Variants in MICOS10 observed in about 807,000 individuals in gnomAD.
MICOS10 encodes the protein mitochondrial contact site and cristae organizing system subunit 10, also known as MICOS complex subunit MIC10.
A neutral mutation model predicts 13.4 loss-of-function variants in MICOS10; 5 were observed. That is an observed-to-expected ratio of 0.37 (90% CI 0.20 to 0.78). The LOEUF (loss-of-function observed/expected upper bound fraction) is 0.78, where lower values mean the gene tolerates loss of function less well. Among genes scored for constraint, MICOS10 ranks in the 30% least tolerant of loss-of-function variants. MICOS10 has a pLI of 0.47. For synonymous variants in MICOS10, 35 were observed against 33.6 expected (o/e 1.04, Z -0.15); for missense variants, 101 against 94.6 (o/e 1.07, Z -0.28).
intron 3 of MICOS10, 120 bp from the exon 4 acceptor site, chr1:19,626,267 C>T (rs892011541): frequency 3.2e-5 from 37 of 1,171,090 alleles, no homozygotes; most frequent in Non-Finnish European, 3.9e-5. Context: ...ACAGTTTTAA[C>T]GTAAACAGTG....
intron 1 of MICOS10, among the ~76,000 whole-genome samples, chr1:19,612,881 G>T (rs993003672): frequency 6.6e-6 from 1 of 152,092 alleles, no homozygotes; most frequent in Non-Finnish European, 1.5e-5. Context: ...CAGAAACATG[G>T]GTGTACTTAA....
intron 2 of MICOS10, among the ~76,000 whole-genome samples, chr1:19,622,920 C>CCT (rs1553310371): frequency 0.037 from 4,840 of 131,868 alleles, 393 homozygotes; most frequent in African/African-American, 0.13. Context: ...TATTTTACTA[C>CCT]TTTTTTTTTT....
Position 19,610,418 on chromosome 1 carries a change from G to T in MICOS10, c.65-11682G>T, listed in dbSNP as rs1344017249. ...TTTTTGGAGACAAGGCCTTACTCTTGCCCAGGCTGGAGTACAGTGACACAA... is the reference window on the plus strand; with the variant it reads ...TTTTTGGAGACAAGGCCTTACTCTTTCCCAGGCTGGAGTACAGTGACACAA... On this transcript the variant is annotated intron_variant, in intron 1 of 3. Transcript: ENST00000322753. Among the ~76,000 whole-genome samples, 8 of 108,382 alleles carry T rather than the reference G, an allele frequency of 7.4e-5. No homozygotes were observed. In the South Asian group the frequency reaches 2.3e-3, roughly 31 times the overall value. 71.1% of individuals were successfully genotyped at this position (108,382 alleles called of 152,430 possible).
intron 1 of MICOS10, chr1:19,607,978 A>G (rs1244620172): frequency 1.6e-6 from 1 of 610,248 alleles, no homozygotes; most frequent in Non-Finnish European, 2.9e-6. Context: ...TCAACAAACC[A>G]TGCTAAAACG....
chr1:19,600,255 C>A (rs1219400208), intron 1 of MICOS10, among the ~76,000 whole-genome samples: 2 of 152,136 alleles, frequency 1.3e-5, no homozygotes, highest in Non-Finnish European at 2.9e-5. Flanking sequence ...TGAGAAATTT[C>A]AAACTTTTTC....
At chr1:19,621,426 T>C (rs979793143) in intron 1 of MICOS10, among the ~76,000 whole-genome samples, 2 of 152,136 alleles carry the variant, frequency 1.3e-5, no homozygotes, top group African/African-American at 2.4e-5. Flanking sequence ...CCTTGAGGGG[T>C]AGTAATTGTT....
intron 3 of MICOS10, chr1:19,625,514 G>A (rs2094918851): frequency 3.9e-6 from 5 of 1,289,434 alleles, no homozygotes; most frequent in East Asian, 5.5e-5. Context: ...AAGAAGAGGC[G>A]CAGCTGTGTG....
intron 1 of MICOS10, among the ~76,000 whole-genome samples, chr1:19,599,236 T>C (rs2094804714): frequency 6.6e-6 from 1 of 152,122 alleles, no homozygotes; most frequent in Non-Finnish European, 1.5e-5. Context: ...TTGTATTTTT[T>C]GGTAGAGACG....
intron 1 of MICOS10, among the ~76,000 whole-genome samples, chr1:19,618,957 A>G (rs1183157252): frequency 6.6e-6 from 1 of 152,244 alleles, no homozygotes; most frequent in East Asian, 1.9e-4. Context: ...GATAAAATGT[A>G]GCACTGACAA....
Position 19,619,391 on chromosome 1 carries a change from A to T in MICOS10, c.65-2709A>T, listed in dbSNP as rs2094895648. On this transcript the variant is annotated intron_variant, in intron 1 of 3. Coordinates refer to ENST00000322753, the MANE Select transcript of MICOS10 (RefSeq NM_001032363.4). ...GCATGGTGAGAACAAAGATTTTTTT[A>T]AAAGTAAAATACAGTTGCATTGAGC... Among the ~76,000 whole-genome samples, 2 of 152,192 alleles carry T rather than the reference A, an allele frequency of 1.3e-5. 1 individual carries two copies. The highest frequency in any genetic ancestry group is 4.8e-5 in the African/African-American group (2 of 41,454).
At chr1:19,624,659 C>G (rs1428344884) in intron 3 of MICOS10, among the ~76,000 whole-genome samples, 1 of 152,192 alleles carries the variant, frequency 6.6e-6, no homozygotes, top group South Asian at 2.1e-4. Flanking sequence ...AAGAGGGCAG[C>G]AGGCTTCCTC....
At chr1:19,609,204 A>G (rs912899794) in intron 1 of MICOS10, among the ~76,000 whole-genome samples, 1 of 151,946 alleles carries the variant, frequency 6.6e-6, no homozygotes, top group Non-Finnish European at 1.5e-5. Context: ...AAGACAACAC[A>G]TGGGTAAAAT....
rs371998486 is a variant in MICOS10, at chr1:19,624,388, G to A, written c.222+805G>A. 1.4e-3 allele frequency among the ~76,000 whole-genome samples: 217 copies of A among 152,132 alleles called. 1 individual carries two copies. The highest frequency in any genetic ancestry group is 4.6e-3 in the African/African-American group (189 of 41,500). ...TGCGACCTCTGCCTCCCGGGTTCAA[G>A]CGATTCTTCTGCCTCAGCCTCCCGA... is the stretch of plus-strand genomic sequence containing the variant. On this transcript the variant is annotated intron_variant, in intron 3 of 3. Coordinates refer to ENST00000322753, the MANE Select transcript of MICOS10 (RefSeq NM_001032363.4).
In MICOS10 at chr1:19,601,117, C is replaced by A; in HGVS notation, c.64+4008C>A. On this transcript the variant is annotated intron_variant, in intron 1 of 3. Coordinates refer to ENST00000322753, the MANE Select transcript of MICOS10 (RefSeq NM_001032363.4). ...GGTGTTGTATAGCTGAGTTAAATAGCTTTCTTAAGCCTGTACTTTAGGCAG... is the reference window on the plus strand; with the variant it reads ...GGTGTTGTATAGCTGAGTTAAATAGATTTCTTAAGCCTGTACTTTAGGCAG... The A allele has an allele frequency of 3.7e-5, 29 of 793,988 alleles. No individual in the cohort carries two copies. In the South Asian group the frequency reaches 4.0e-4, roughly 11 times the overall value. 49.2% of individuals were successfully genotyped at this position (793,988 alleles called of 1,614,324 possible).
At chr1:19,608,390 C>A in intron 1 of MICOS10, 1 of 1,259,684 alleles carries the variant, frequency 7.9e-7, no homozygotes, top group Non-Finnish European at 1.2e-6. Flanking sequence ...TATCATTGCC[C>A]TACACATCCA....
intron 1 of MICOS10, among the ~76,000 whole-genome samples, chr1:19,607,245 G>A (rs1484808562): frequency 2.0e-5 from 3 of 152,218 alleles, no homozygotes; most frequent in Non-Finnish European, 2.9e-5. Context: ...GTGAATAATG[G>A]AACATTGTGA....
At chr1:19,621,013 C>T (rs543390024) in intron 1 of MICOS10, among the ~76,000 whole-genome samples, 18 of 152,302 alleles carry the variant, frequency 1.2e-4, no homozygotes, top group Non-Finnish European at 2.1e-4. Flanking sequence ...CTCCCCATTC[C>T]GTTGCCTGGT....
At chr1:19,603,420 G>A (rs1263558837) in intron 1 of MICOS10, among the ~76,000 whole-genome samples, 1 of 152,208 alleles carries the variant, frequency 6.6e-6, no homozygotes, top group Non-Finnish European at 1.5e-5. Flanking sequence ...CCGAAGGCTT[G>A]CACCAGCAGG....
intron 1 of MICOS10, among the ~76,000 whole-genome samples, chr1:19,616,104 A>G (rs1428850429): frequency 6.6e-6 from 1 of 151,894 alleles, no homozygotes; most frequent in Non-Finnish European, 1.5e-5. Flanking sequence ...TTTAGTGGAG[A>G]TGGGGTTCAC....
Sources: gnomAD v4.1 joint callset for allele counts (sites outside exome capture counted in the v4.1 genomes callset) on GRCh38, gnomAD v4.1.1 for gene constraint, MANE v1.5 for transcripts, NCBI Gene and HGNC (gene_info 2026-07-23, HGNC 2026-07-21) for gene names.